The following NLRP6 variants were observed in gnomAD, a reference collection of about 807,000 sequenced individuals.
NLRP6 encodes NLR family pyrin domain containing 6.
Under a neutral mutation model 70.9 loss-of-function variants are expected in NLRP6, and 55 were observed. The ratio of observed to expected loss-of-function variants is 0.78; its 90% confidence interval spans 0.62 to 0.97. The LOEUF (loss-of-function observed/expected upper bound fraction) is 0.97. NLRP6 is among the 50% of genes least tolerant of loss of function. The probability of loss-of-function intolerance (pLI) is 0.00; values close to 1 mark genes in which losing one functional copy is unlikely to be tolerated. For synonymous variants in NLRP6, 652 were observed against 581.9 expected (o/e 1.12, Z -1.73); for missense variants, 1,241 against 1,238.3 (o/e 1.00, Z -0.03).
At position 279,357 on chromosome 11, in the gene NLRP6, G is replaced by A. The variant is rs1590267027; in HGVS notation, c.60G>A (p.Glu20=). 1 of 1,295,810 alleles carries A rather than the reference G, an allele frequency of 7.7e-7. No individual in the cohort carries two copies. The highest frequency in any genetic ancestry group is 9.8e-7 in the Non-Finnish European group (1 of 1,021,434). 80.3% of individuals were successfully genotyped at this position (1,295,810 alleles called of 1,614,324 possible). A position where few individuals can be genotyped will look rare whatever the true frequency, so the allele number is the denominator to read the frequency against. Residue 20 remains glutamate, a synonymous_variant, in exon 2 of 8, where the codon GAG becomes GAA. Coordinates refer to ENST00000534750, the MANE Select transcript of NLRP6 (RefSeq NM_001276700.2). ...STGPRLAVAR[E]LLLAALEELS... ...GGCCGCGCCTCGCGGTGGCCCGCGAGCTGCTCCTGGCTGCGCTGGAGGAAC... is the reference window on the plus strand; with the variant it reads ...GGCCGCGCCTCGCGGTGGCCCGCGAACTGCTCCTGGCTGCGCTGGAGGAAC...
At position 280,700 on chromosome 11, in the gene NLRP6, G is replaced by C. The variant is rs199475805; in HGVS notation, c.966G>C (p.Leu322=). 4.5e-5 allele frequency: 71 copies of C among 1,571,898 alleles called. 1 individual carries two copies. In the African/African-American group the frequency reaches 5.4e-4, roughly 12 times the overall value. ...LSKALLPTAL[L]LVTTRAAAPG... ...AGGCGCTGCTGCCCACGGCCCTCCT[G>C]CTGGTGACCACGCGCGCCGCCGCCC... Residue 322 remains leucine, a synonymous_variant, in exon 4 of 8, where the codon CTG becomes CTC. Coordinates refer to ENST00000534750, the MANE Select transcript of NLRP6 (RefSeq NM_001276700.2).
rs1203834899 is a variant in NLRP6, at chr11:280,871, G to A, written c.1137G>A (p.Glu379=). 2.5e-6 allele frequency: 4 copies of A among 1,613,488 alleles called. No individual in the cohort carries two copies. Among genetic ancestry groups the A allele is most frequent in the African/African-American group, 1.3e-5 (1 of 75,078 alleles). ...ERAYRFVKEN[E]TLFALCFVPF... is the part of the protein sequence containing the mutation. The stretch of plus-strand genomic sequence containing the variant: ...CCTACCGCTTCGTGAAGGAGAACGA[G>A]ACGCTGTTCGCGCTGTGCTTCGTGC... Residue 379 remains glutamate (E), a synonymous_variant, in exon 4 of 8, where the codon GAG becomes GAA. Coordinates refer to ENST00000534750, the MANE Select transcript of NLRP6 (RefSeq NM_001276700.2).
rs1845434633 is a variant in NLRP6 at position 279,470 on chromosome 11, G to A, written c.173G>A (p.Arg58His). The A allele has an allele frequency of 7.0e-7, 1 of 1,420,086 alleles. No homozygotes were observed. Among genetic ancestry groups the A allele is most frequent in the Admixed American group, 3.1e-5 (1 of 32,286 alleles). The allele number at this position is 1,420,086 out of a possible 1,614,324, so 88.0% of individuals were successfully genotyped here. Reference protein sequence around the residue: ...GRSIPWGRLERADAVDLAEQL... With the variant: ...GRSIPWGRLEHADAVDLAEQL... ...AGCATCCCGTGGGGGCGGCTGGAGC[G>A]CGCGGACGCCGTGGACCTCGCGGAG... Residue 58 changes from arginine to histidine, a missense_variant, in exon 2 of 8, where the codon CGC becomes CAC. Physicochemically the swap from Arg to His is conservative, Grantham distance 29. Transcript: ENST00000534750.
rs115796187 is a variant in NLRP6 at position 284,409 on chromosome 11, T to C, written c.2369+9T>C. On this transcript the variant is annotated intron_variant, in intron 6 of 7. Coordinates refer to ENST00000534750, the MANE Select transcript of NLRP6 (RefSeq NM_001276700.2). Reference sequence around the variant, plus strand: ...AGGGTGCAGACGGTCAGGTGAGGCCTGGCCTGGGAGGGACCGTGGGATGCC... The same window carrying C: ...AGGGTGCAGACGGTCAGGTGAGGCCCGGCCTGGGAGGGACCGTGGGATGCC... 1.2e-3 allele frequency: 1,860 copies of C among 1,598,750 alleles called. 32 individuals carry two copies. The African/African-American group carries it at 0.022, about 19-fold the overall frequency.
rs760368727 is a variant in NLRP6 at position 284,329 on chromosome 11, G to A, written c.2298G>A (p.Arg766=). The A allele has an allele frequency of 1.2e-6, 2 of 1,611,982 alleles. No homozygotes were observed. The highest frequency in any genetic ancestry group is 8.5e-7 in the Non-Finnish European group (1 of 1,179,720). Reference sequence around the variant, plus strand: ...CGGAGCTGGGCCTCCTCCACAACAGGCTCAGTGAGGCGGGACTGCGTATGC... The same window carrying A: ...CGGAGCTGGGCCTCCTCCACAACAGACTCAGTGAGGCGGGACTGCGTATGC... ...ALTELGLLHN[R]LSEAGLRMLS... The change falls in exon 6 of 8, where the codon AGG becomes AGA. Residue 766 remains arginine (R), a synonymous_variant. Transcript: ENST00000534750.
chr11:279,506 AG>A lies in NLRP6; in HGVS notation c.210del (p.Gln70HisfsTer64). 6.9e-7 allele frequency: 1 copy of A among 1,455,860 alleles called. No homozygotes were observed. The highest frequency in any genetic ancestry group is 2.6e-5 in the Admixed American group (1 of 37,968). The allele number at this position is 1,455,860 out of a possible 1,614,324, so 90.2% of individuals were successfully genotyped here. On this transcript the variant is annotated frameshift_variant, in exon 2 of 8. Transcript: ENST00000534750. LOFTEE classifies it high-confidence loss of function. ...DAVDLAEQLA[Q>X]FYGPEPALEV... is the part of the protein sequence containing the mutation. ...GTGGACCTCGCGGAGCAGCTGGCCCAGTTCTACGGCCCGGAGCCTGCCCTGG... is the reference window on the plus strand; with the variant it reads ...GTGGACCTCGCGGAGCAGCTGGCCCATTCTACGGCCCGGAGCCTGCCCTGG...
chr11:284,853 G>A (rs1268677728), intron 7 of NLRP6, among the ~76,000 whole-genome samples: 1 of 152,200 alleles, frequency 6.6e-6, no homozygotes, highest in South Asian at 2.1e-4. Flanking sequence ...CACTTTGTCT[G>A]ACCAAATGTT....
In NLRP6 at chr11:280,414, G is replaced by A. The variant is rs929292738; in HGVS notation, c.680G>A (p.Gly227Asp). The A allele has an allele frequency of 3.8e-6, 6 of 1,586,380 alleles. No homozygotes were observed. Among genetic ancestry groups the A allele is most frequent in the South Asian group, 2.2e-5 (2 of 89,272 alleles). ...TGGGCGGCGGGCAAGCTGTACCAGG[G>A]CCAGGTGGACTTCGCCTTCTTCATG... The part of the protein sequence containing the change: ...YDWAAGKLYQ[G>D]QVDFAFFMPC... Residue 227 changes from glycine to aspartate, a missense_variant, in exon 4 of 8, where the codon GGC becomes GAC. Transcript: ENST00000534750.
intron 5 of NLRP6, 136 bp from the exon 6 acceptor site, chr11:284,094 G>A: frequency 1.3e-6 from 1 of 746,200 alleles, no homozygotes; most frequent in East Asian, 2.7e-5. Context: ...GGCTCTGCGA[G>A]GTCCAGGGAA....
intron 5 of NLRP6, 77 bp downstream of exon 5, chr11:282,874 C>G (rs1028164822): frequency 9.2e-7 from 1 of 1,089,524 alleles, no homozygotes; most frequent in African/African-American, 1.5e-5. Context: ...GGAAGTATGA[C>G]CTAGGAAAGA....
At chr11:283,433 C>T (rs1003008514) in intron 5 of NLRP6, among the ~76,000 whole-genome samples, 2 of 151,410 alleles carry the variant, frequency 1.3e-5, no homozygotes, top group African/African-American at 4.9e-5. Context: ...CCTGCCTCAG[C>T]CTACTGAGTA....
Position 285,333 on chromosome 11 carries a change from A to G in NLRP6, c.*29A>G. ...TCTGGTGGCCAGAGCAGGGTGGAAG[A>G]CCCTAGTCAAAGTCCCTGTGGAGAG... On this transcript the variant is annotated 3_prime_UTR_variant, in exon 8 of 8. Transcript: ENST00000534750. The G allele has an allele frequency of 6.2e-7, 1 of 1,600,602 alleles. No homozygotes were observed. The highest frequency in any genetic ancestry group is 2.3e-5 in the East Asian group (1 of 44,378).
At chr11:284,667 C>T in intron 7 of NLRP6, 25 bp downstream of exon 7, 1 of 1,582,714 alleles carries the variant, frequency 6.3e-7, no homozygotes, top group South Asian at 1.1e-5. Context: ...GGGAAGGGTG[C>T]TGGGGACACA....
At position 285,292 on chromosome 11, in the gene NLRP6, C is replaced by A; in HGVS notation, c.2664C>A (p.Ile888=). The stretch of plus-strand genomic sequence containing the variant: ...ACCCACAACCTCCCAAGGAACTCAT[C>A]TCGACCTTCTGAGGCTCTGGTGGCC... ...DGHPQPPKEL[I]STF The change falls in exon 8 of 8, where the codon ATC becomes ATA. Residue 888 remains isoleucine, a synonymous_variant. Transcript: ENST00000534750. The A allele has an allele frequency of 6.2e-7, 1 of 1,609,200 alleles. No individual in the cohort carries two copies. The highest frequency in any genetic ancestry group is 2.2e-5 in the East Asian group (1 of 44,756).
At chr11:284,130 G>A in intron 5 of NLRP6, 100 bp from the exon 6 acceptor site, 1 of 1,084,594 alleles carries the variant, frequency 9.2e-7, no homozygotes, top group Non-Finnish European at 1.4e-6. Flanking sequence ...ACATCTCTCA[G>A]CTGAACCCTG....
At position 284,481 on chromosome 11, in the gene NLRP6, GCTGC is replaced by G; in HGVS notation, c.2380_2383del (p.Pro794ThrfsTer19). The G allele has an allele frequency of 6.2e-7, 1 of 1,612,694 alleles. No individual in the cohort carries two copies. Among genetic ancestry groups the G allele is most frequent in the Non-Finnish European group, 8.5e-7 (1 of 1,179,760 alleles). On this transcript the variant is annotated frameshift_variant, in exon 7 of 8. Transcript: ENST00000534750. LOFTEE classifies it high-confidence loss of function. ...GAGGTCGGCCCTCCCACAGGGTACA[GCTGC>G]CTGACCCCCAGCGAGGGCTCCAGTA...
rs766311431 is a variant in NLRP6 at position 284,535 on chromosome 11, C to T, written c.2430C>T (p.Ser810=). The T allele has an allele frequency of 2.5e-6, 4 of 1,612,974 alleles. No individual in the cohort carries two copies. In the South Asian group the frequency reaches 3.3e-5, roughly 13 times the overall value. Residue 810 remains serine, a synonymous_variant, in exon 7 of 8, where the codon AGC becomes AGT. Transcript: ENST00000534750. ...LQYLVGMLRQ[S]PALTTLDLSG... The stretch of plus-strand genomic sequence containing the variant: ...ACCTGGTGGGTATGCTTCGGCAGAG[C>T]CCTGCCCTGACCACCCTGGATCTCA...
At position 285,165 on chromosome 11, in the gene NLRP6, G is replaced by T; in HGVS notation, c.2538-1G>T. On this transcript the variant is annotated splice_acceptor_variant, in intron 7 of 7. Coordinates refer to ENST00000534750, the MANE Select transcript of NLRP6 (RefSeq NM_001276700.2). LOFTEE classifies it high-confidence loss of function. ...CGCTTCTGCTCTGCGTGTGGCTGCA[G>T]TCTGGCCTCTGTGGAGCTGAGCGAG... 1 of 1,582,874 alleles carries T rather than the reference G, an allele frequency of 6.3e-7. No individual in the cohort carries two copies. The highest frequency in any genetic ancestry group is 8.6e-7 in the Non-Finnish European group (1 of 1,164,054).
In NLRP6 at chr11:279,311, G is replaced by C; in HGVS notation, c.30-16G>C. The stretch of plus-strand genomic sequence containing the variant: ...CGAGGGCCGCTCCCCGATGACCCGC[G>C]CCCGCCCGCCTCCAGCACGGGGCCG... On this transcript the variant is annotated splice_polypyrimidine_tract_variant and intron_variant, in intron 1 of 7. Coordinates refer to ENST00000534750, the MANE Select transcript of NLRP6 (RefSeq NM_001276700.2). 2 of 1,216,862 alleles carry C rather than the reference G, an allele frequency of 1.6e-6. No individual in the cohort carries two copies. Among genetic ancestry groups the C allele is most frequent in the Non-Finnish European group, 2.1e-6 (2 of 975,256 alleles). 75.4% of individuals were successfully genotyped at this position (1,216,862 alleles called of 1,614,324 possible). A position where few individuals can be genotyped will look rare whatever the true frequency, so the allele number is the denominator to read the frequency against.
Sources: gnomAD v4.1 joint callset for allele counts (sites outside exome capture counted in the v4.1 genomes callset) on GRCh38, gnomAD v4.1.1 for gene constraint, MANE v1.5 for transcripts, NCBI Gene and HGNC (gene_info 2026-07-23, HGNC 2026-07-21) for gene names.